GLIS3: variants seen among roughly 807,000 people sequenced by gnomAD.
GLIS3 encodes the protein zinc finger protein GLIS3.
A neutral mutation model predicts 78.6 loss-of-function variants in GLIS3; 53 were observed. The ratio of observed to expected loss-of-function variants is 0.67; its 90% confidence interval spans 0.54 to 0.85. The LOEUF is 0.85. GLIS3 is among the 40% of genes least tolerant of loss of function. GLIS3 has a pLI of 0.00. For synonymous variants in GLIS3, 684 were observed against 509.9 expected (o/e 1.34, Z -4.60); for missense variants, 1,703 against 1,231.1 (o/e 1.38, Z -5.74).
intron 2 of GLIS3, among the ~76,000 whole-genome samples, chr9:4,221,747 G>A (rs1821347811): frequency 6.6e-6 from 1 of 152,216 alleles, no homozygotes; most frequent in Non-Finnish European, 1.5e-5. Flanking sequence ...CAGAAATGGT[G>A]GAGAAAAGCA....
At chr9:4,202,436 TAA>T (rs1819489977) in intron 2 of GLIS3, among the ~76,000 whole-genome samples, 1 of 35,738 alleles carries the variant, frequency 2.8e-5, no homozygotes, top group Non-Finnish European at 7.1e-5. Context: ...AAAAATAAAA[TAA>T]AATAAAATAA....
chr9:4,458,301 G>T, the GLIS3 span, among the ~76,000 whole-genome samples: 1 of 152,292 alleles, frequency 6.6e-6, no homozygotes, highest in Admixed American at 6.5e-5. Context: ...AGGCACTGGG[G>T]ACACAGTAGT....
the GLIS3 span, among the ~76,000 whole-genome samples, chr9:4,370,945 T>C: frequency 6.6e-6 from 1 of 152,116 alleles, no homozygotes; most frequent in African/African-American, 2.4e-5. Flanking sequence ...AAGACTCCTA[T>C]TTTTGTAAAT....
intron 4 of GLIS3, among the ~76,000 whole-genome samples, chr9:4,050,520 A>C (rs1024593106): frequency 3.3e-5 from 5 of 152,158 alleles, no homozygotes; most frequent in African/African-American, 1.2e-4. Context: ...TGGGTGCAGC[A>C]AGCCAACATG....
the GLIS3 span, among the ~76,000 whole-genome samples, chr9:4,463,216 T>C: frequency 0.56 from 85,484 of 152,056 alleles, 24,072 homozygotes; most frequent in Middle Eastern, 0.72. Context: ...GTGGGGAAAG[T>C]CCTAGCCTAT....
intron 4 of GLIS3, among the ~76,000 whole-genome samples, chr9:4,088,862 C>T (rs1175883977): frequency 6.6e-6 from 1 of 152,234 alleles, no homozygotes; most frequent in East Asian, 1.9e-4. Context: ...TACTTCACAG[C>T]CAAAATCCTA....
chr9:4,443,693 C>T, the GLIS3 span, among the ~76,000 whole-genome samples: 1 of 152,278 alleles, frequency 6.6e-6, no homozygotes, highest in Admixed American at 6.5e-5. Context: ...GAGGCCAGTT[C>T]AAGAAGTGGC....
chr9:4,339,356 G>C (rs770984536), intron 2 of GLIS3, among the ~76,000 whole-genome samples: 9 of 152,186 alleles, frequency 5.9e-5, no homozygotes, highest in Non-Finnish European at 1.2e-4. Flanking sequence ...GATGAATTGT[G>C]TTCATGAAAT....
chr9:4,354,120 G>A, the GLIS3 span, among the ~76,000 whole-genome samples: 1 of 151,982 alleles, frequency 6.6e-6, no homozygotes, highest in Non-Finnish European at 1.5e-5. Flanking sequence ...ACAGGCGTGA[G>A]CCACCACGCC....
chr9:4,451,734 C>T, the GLIS3 span, among the ~76,000 whole-genome samples: 9 of 152,090 alleles, frequency 5.9e-5, no homozygotes, highest in African/African-American at 1.9e-4. Context: ...GAGCAACCTT[C>T]GCCTGAATGA....
chr9:4,077,928 A>G lies in GLIS3; in HGVS notation c.1710+39840T>C, dbSNP rs186312414. 5.9e-5 allele frequency among the ~76,000 whole-genome samples: 9 copies of G among 152,220 alleles called. No homozygotes were observed. The East Asian group carries it at 1.2e-3, about 20-fold the overall frequency. On this transcript the variant is annotated intron_variant, in intron 4 of 10. Coordinates refer to ENST00000381971, the MANE Select transcript of GLIS3 (RefSeq NM_001042413.2). ...ATTCCAATCTCTTTCCTTTGTTCCTATCTCAAGAGGGAATAGCTATTTTAT... is the reference window on the plus strand; with the variant it reads ...ATTCCAATCTCTTTCCTTTGTTCCTGTCTCAAGAGGGAATAGCTATTTTAT...
intron 4 of GLIS3, among the ~76,000 whole-genome samples, chr9:4,009,460 G>A (rs775177201): frequency 4.6e-5 from 7 of 152,130 alleles, no homozygotes; most frequent in Non-Finnish European, 8.8e-5. Flanking sequence ...CCATGGCCCC[G>A]GCCCTGAGAC....
In GLIS3 at chr9:3,826,842, GA is replaced by G. The variant is rs1420278417; in HGVS notation, c.*1429del. On this transcript the variant is annotated 3_prime_UTR_variant, in exon 11 of 11. Transcript: ENST00000381971. The stretch of plus-strand genomic sequence containing the variant: ...TTTTAAAAAGTGAGAAAAAATACTT[GA>G]AATATGATAGTACCAGAATGTTAGA... 1 of 152,214 alleles carries G rather than the reference GA, an allele frequency of 6.6e-6. No homozygotes were observed. The highest frequency in any genetic ancestry group is 2.4e-5 in the African/African-American group (1 of 41,450). 9.4% of individuals were successfully genotyped at this position (152,214 alleles called of 1,614,324 possible).
At chr9:4,487,983 C>G in the GLIS3 span, among the ~76,000 whole-genome samples, 1 of 152,270 alleles carries the variant, frequency 6.6e-6, no homozygotes, top group South Asian at 2.1e-4. Context: ...TGAGCCAACA[C>G]GCCCAGCTCT....
intron 6 of GLIS3, among the ~76,000 whole-genome samples, chr9:3,920,052 G>A (rs929316992): frequency 6.8e-6 from 1 of 146,522 alleles, no homozygotes; most frequent in Non-Finnish European, 1.5e-5. Context: ...TGCCCAGGCT[G>A]GAGTGCAGTG....
intron 4 of GLIS3, among the ~76,000 whole-genome samples, chr9:3,953,787 CTCTCTCTCTATA>C (rs765886391): frequency 0.026 from 1,128 of 44,206 alleles, 6 homozygotes; most frequent in Non-Finnish European, 0.039. Flanking sequence ...CTCTCTCTCT[CTCTCTCTCTATA>C]TATATATATA....
upstream of GLIS3, among the ~76,000 whole-genome samples, chr9:4,301,116 G>C (rs936525209): frequency 6.6e-6 from 1 of 152,118 alleles, no homozygotes; most frequent in Non-Finnish European, 1.5e-5. Flanking sequence ...ATTTCAGTGG[G>C]AATACTACTA....
At chr9:3,918,821 T>C (rs373886254) in intron 6 of GLIS3, among the ~76,000 whole-genome samples, 3 of 152,198 alleles carry the variant, frequency 2.0e-5, no homozygotes, top group East Asian at 1.9e-4. Flanking sequence ...TCAATCAGAA[T>C]GCCAGAACCA....
chr9:3,855,987 G>T (rs1458993782), intron 9 of GLIS3, 22 bp downstream of exon 9: 1 of 1,613,632 alleles, frequency 6.2e-7, no homozygotes, highest in South Asian at 1.1e-5. Context: ...AAAACTCAAG[G>T]GACTGCCAGC....
Sources: gnomAD v4.1 joint callset for allele counts (sites outside exome capture counted in the v4.1 genomes callset) on GRCh38, gnomAD v4.1.1 for gene constraint, MANE v1.5 for transcripts, NCBI Gene and HGNC (gene_info 2026-07-23, HGNC 2026-07-21) for gene names.